Variants in SUSD5 observed in about 807,000 individuals in gnomAD.
SUSD5 encodes the protein sushi domain containing 5, also known as sushi domain-containing protein 5.
SUSD5 carries 33 observed loss-of-function variants against 29.5 expected under a neutral mutation model. The ratio of observed to expected loss-of-function variants is 1.12; its 90% CI spans 0.85 to 1.49. SUSD5 has a LOEUF of 1.49. Among genes scored for constraint, SUSD5 ranks in the 40% most tolerant of loss-of-function variants. The pLI is 0.00. For synonymous variants in SUSD5, 308 were observed against 325.3 expected, an observed-to-expected ratio of 0.95 and a Z score of 0.57; for missense variants, 776 against 800.6, an observed-to-expected ratio of 0.97 and a Z score of 0.37.
chr3:33,187,569 G>T (rs769344813), intron 3 of SUSD5, among the ~76,000 whole-genome samples: 15 of 151,984 alleles, frequency 9.9e-5, no homozygotes, highest in Admixed American at 2.0e-4. Context: ...ACCTCACAAG[G>T]GAGCTATGGA....
At chr3:33,214,662 C>T (rs1325046321) in intron 1 of SUSD5, among the ~76,000 whole-genome samples, 1 of 152,254 alleles carries the variant, frequency 6.6e-6, no homozygotes, top group South Asian at 2.1e-4. Context: ...TCTGGTACAC[C>T]TTGGCTTCCT....
intron 3 of SUSD5, among the ~76,000 whole-genome samples, chr3:33,175,997 CTTA>C (rs1382668118): frequency 2.6e-5 from 4 of 152,216 alleles, no homozygotes; most frequent in African/African-American, 9.6e-5. Flanking sequence ...CTGTGCTCTG[CTTA>C]TTTATACCTT....
rs770733461 is a variant in SUSD5, at chr3:33,152,718, T to C, written c.*24A>G. The C allele has an allele frequency of 1.3e-6, 2 of 1,571,470 alleles. No homozygotes were observed. Among genetic ancestry groups the C allele is most frequent in the Non-Finnish European group, 1.7e-6 (2 of 1,159,098 alleles). On this transcript the variant is annotated 3_prime_UTR_variant, in exon 5 of 5. Coordinates refer to ENST00000309558, the MANE Select transcript of SUSD5 (RefSeq NM_015551.2). ...CAGTTATTTTCCTCCCAAGTGGCTT[T>C]GGGAGAACCCACTCCAAAGGTGCCT...
chr3:33,197,582 A>G (rs561574220), intron 3 of SUSD5, among the ~76,000 whole-genome samples: 1 of 152,272 alleles, frequency 6.6e-6, no homozygotes, highest in South Asian at 2.1e-4. Flanking sequence ...GTATAGAACA[A>G]TTCTTAAAAG....
rs1476152027 is a variant in SUSD5 at position 33,167,421 on chromosome 3, G to T, written c.598+7465C>A. Among the ~76,000 whole-genome samples, 1 of 151,966 alleles carries T rather than the reference G, an allele frequency of 6.6e-6. No individual in the cohort carries two copies. Among genetic ancestry groups the T allele is most frequent in the Non-Finnish European group, 1.5e-5 (1 of 67,978 alleles). On this transcript the variant is annotated intron_variant, in intron 4 of 4. Transcript: ENST00000309558. This position sits in a 1 kb window ranked among gnomAD's most constrained non-coding sequence, Gnocchi z 4.1. ...TGTTTGTGTGCATGCATGCGTGTGT[G>T]TGTGTCTGTGTATGCATGGATGTGC...
rs2030836367 is a variant in SUSD5, at chr3:33,150,218, ATTAAT to A, written c.*2519_*2523del. On this transcript the variant is annotated 3_prime_UTR_variant, in exon 5 of 5. Transcript: ENST00000309558. ...AACATGAATTTTTAGATTCTATAAC[ATTAAT>A]TTAGAGGATACCACACCAATAAGAA... 1 of 152,180 alleles carries A rather than the reference ATTAAT, an allele frequency of 6.6e-6. No homozygotes were observed. The highest frequency in any genetic ancestry group is 6.5e-5 in the Admixed American group (1 of 15,282). 9.4% of individuals were successfully genotyped at this position (152,180 alleles called of 1,614,324 possible). A position where few individuals can be genotyped will look rare whatever the true frequency, so the allele number is the denominator to read the frequency against.
intron 4 of SUSD5, among the ~76,000 whole-genome samples, chr3:33,154,284 A>G (rs2030998726): frequency 6.6e-6 from 1 of 152,326 alleles, no homozygotes; most frequent in Admixed American, 6.5e-5. Flanking sequence ...GCACTTTGGG[A>G]GGCCTAGGCA....
At chr3:33,168,396 T>G in intron 4 of SUSD5, 1 of 531,754 alleles carries the variant, frequency 1.9e-6, no homozygotes, top group Non-Finnish European at 2.4e-6. Context: ...AAATTCAGTT[T>G]CAGTCTCATG....
At chr3:33,197,668 C>T (rs1027229828) in intron 3 of SUSD5, among the ~76,000 whole-genome samples, 4 of 152,152 alleles carry the variant, frequency 2.6e-5, no homozygotes, top group East Asian at 1.9e-4. Flanking sequence ...AAGCTACTTT[C>T]GCTCACTGGT....
intron 4 of SUSD5, among the ~76,000 whole-genome samples, chr3:33,156,058 T>A (rs75860015): frequency 6.6e-6 from 1 of 151,944 alleles, no homozygotes; most frequent in African/African-American, 2.4e-5. Flanking sequence ...TTTTTTTTTT[T>A]GAGAGAGAGT....
rs1343502825 is a variant in SUSD5 at position 33,155,317 on chromosome 3, A to G, written c.599-1284T>C. ...AAAGATATCAGATTAGTCATTAAAC[A>G]TGTGGAAAGATGCTCAACCTCACTA... On this transcript the variant is annotated intron_variant, in intron 4 of 4. Transcript: ENST00000309558. 2.0e-5 allele frequency among the ~76,000 whole-genome samples: 3 copies of G among 152,366 alleles called. No homozygotes were observed. In the East Asian group the frequency reaches 5.8e-4, roughly 29 times the overall value.
intron 4 of SUSD5, among the ~76,000 whole-genome samples, chr3:33,157,053 A>G (rs2125613875): frequency 1.3e-5 from 2 of 152,328 alleles, no homozygotes; most frequent in Admixed American, 1.3e-4. Context: ...CATTCTAATG[A>G]GCCTTGTAGA....
At chr3:33,190,740 G>T (rs1254664718) in intron 3 of SUSD5, among the ~76,000 whole-genome samples, 1 of 152,178 alleles carries the variant, frequency 6.6e-6, no homozygotes, top group Non-Finnish European at 1.5e-5. Context: ...GGCTTCCCTT[G>T]TCTGCCTGAT....
At chr3:33,188,654 A>G (rs1220168425) in intron 3 of SUSD5, among the ~76,000 whole-genome samples, 1 of 152,178 alleles carries the variant, frequency 6.6e-6, no homozygotes, top group African/African-American at 2.4e-5. Context: ...ACCTATCCTC[A>G]AAAACAGGCA....
At chr3:33,172,865 G>C (rs1374861486) in intron 4 of SUSD5, among the ~76,000 whole-genome samples, 1 of 152,056 alleles carries the variant, frequency 6.6e-6, no homozygotes, top group Admixed American at 6.6e-5. Context: ...ATTTTACGAA[G>C]TATTAATCAG....
chr3:33,199,360 G>A (rs148477719), intron 3 of SUSD5, among the ~76,000 whole-genome samples: 13 of 152,182 alleles, frequency 8.5e-5, no homozygotes, highest in Non-Finnish European at 1.6e-4. Context: ...TGCAGGCTCC[G>A]CCTCCCGGGT....
chr3:33,217,770 G>T (rs1445653497), intron 1 of SUSD5, among the ~76,000 whole-genome samples: 1 of 151,142 alleles, frequency 6.6e-6, no homozygotes, highest in Non-Finnish European at 1.5e-5. Flanking sequence ...AATATACAAC[G>T]CATCCTAAAT....
chr3:33,155,008 CA>C (rs1279834405), intron 4 of SUSD5, among the ~76,000 whole-genome samples: 3 of 152,172 alleles, frequency 2.0e-5, no homozygotes, highest in Non-Finnish European at 4.4e-5. Context: ...AAGACATATG[CA>C]AAACATTTCA....
At chr3:33,188,017 C>G (rs2125625550) in intron 3 of SUSD5, among the ~76,000 whole-genome samples, 1 of 152,192 alleles carries the variant, frequency 6.6e-6, no homozygotes, top group South Asian at 2.1e-4. Context: ...AGAGATATAT[C>G]TATTATTTTT....
Sources: gnomAD v4.1 joint callset for allele counts (sites outside exome capture counted in the v4.1 genomes callset) on GRCh38, gnomAD v4.1.1 for gene constraint, Gnocchi (gnomAD v3.1) non-coding constraint, MANE v1.5 for transcripts, NCBI Gene and HGNC (gene_info 2026-07-23, HGNC 2026-07-21) for gene names.